The following USP29 variants were observed in gnomAD, a reference collection of about 807,000 sequenced individuals.
The protein encoded by USP29 is ubiquitin carboxyl-terminal hydrolase 29.
For synonymous variants in USP29, 386 were observed against 387.4 expected (o/e 1.00, Z 0.04); for missense variants, 1,102 against 1,069.0 (o/e 1.03, Z -0.43).
At position 57,128,967 on chromosome 19, in the gene USP29, TTCCTGGACA is replaced by T; in HGVS notation, c.294_302del (p.Phe98_Ile101delinsLeu). The T allele has an allele frequency of 6.8e-6, 11 of 1,614,124 alleles. No homozygotes were observed. The highest frequency in any genetic ancestry group is 9.3e-6 in the Non-Finnish European group (11 of 1,180,022). On this transcript the variant is annotated inframe_deletion, in exon 4 of 4. Coordinates refer to ENST00000254181, the MANE Select transcript of USP29 (RefSeq NM_020903.3). ...CAGAGATGCTAAACAGTTGAATATGTTCCTGGACATAATCCACCAAAACAAATCTCAGCA... is the reference window on the plus strand; with the variant it reads ...CAGAGATGCTAAACAGTTGAATATGTTAATCCACCAAAACAAATCTCAGCA...
In USP29 at chr19:57,131,405, G is replaced by C. The variant is rs992673359; in HGVS notation, c.2730G>C (p.Gln910His). The C allele has an allele frequency of 6.2e-7, 1 of 1,613,768 alleles. No homozygotes were observed. Among genetic ancestry groups the C allele is most frequent in the Non-Finnish European group, 8.5e-7 (1 of 1,179,950 alleles). The change falls in exon 4 of 4, where the codon CAG (glutamine) becomes CAC (histidine). Residue 910 changes from glutamine (Q) to histidine (H), a missense_variant. Physicochemically the swap from Gln to His is conservative, Grantham distance 24. Coordinates refer to ENST00000254181, the MANE Select transcript of USP29 (RefSeq NM_020903.3). ...LPSTQAGVIP[Q>H]GEYEGDSLYR... is the part of the protein sequence containing the mutation. Reference sequence around the variant, plus strand: ...GCACACAGGCAGGGGTGATCCCTCAGGGGGAATACGAAGGTGACTCTTTGT... The same window carrying C: ...GCACACAGGCAGGGGTGATCCCTCACGGGGAATACGAAGGTGACTCTTTGT...
In USP29 at chr19:57,131,366, C is replaced by A. The variant is rs755775107; in HGVS notation, c.2691C>A (p.Asn897Lys). Residue 897 changes from asparagine to lysine, a missense_variant, in exon 4 of 4, where the codon AAC becomes AAA. By Grantham distance (94) the Asn-to-Lys change is moderately conservative (BLOSUM62 0). Transcript: ENST00000254181. ...IFEELLRKAE[N>K]SRLPSTQAGV... ...AGGAGCTGTTAAGAAAAGCAGAGAACTCTCGGCTACCTAGCACACAGGCAG... is the reference window on the plus strand; with the variant it reads ...AGGAGCTGTTAAGAAAAGCAGAGAAATCTCGGCTACCTAGCACACAGGCAG... 1 of 1,614,162 alleles carries A rather than the reference C, an allele frequency of 6.2e-7. No homozygotes were observed.
intron 3 of USP29, among the ~76,000 whole-genome samples, chr19:57,126,957 T>TTGTTGA (rs1212752209): frequency 3.9e-5 from 6 of 152,186 alleles, no homozygotes; most frequent in Admixed American, 6.5e-5. Flanking sequence ...GGGGTCTTTT[T>TTGTTGA]TGTTGATGTT....
At chr19:57,127,975 G>C (rs1004338343) in intron 3 of USP29, among the ~76,000 whole-genome samples, 2 of 152,200 alleles carry the variant, frequency 1.3e-5, no homozygotes, top group African/African-American at 4.8e-5. Context: ...CGTAGTAACC[G>C]GGCGAGTAGC....
chr19:57,121,776 C>T (rs2146949344), intron 1 of USP29, among the ~76,000 whole-genome samples: 1 of 149,316 alleles, frequency 6.7e-6, no homozygotes, highest in East Asian at 2.0e-4. Context: ...ACAAAGAAAA[C>T]AGGTAAACAT....
In USP29 at chr19:57,130,352, AT is replaced by A; in HGVS notation, c.1678del (p.Cys560ValfsTer10). ...PLSSSAPVGK[C>X]EVLEVSQEMI... Reference sequence around the variant, plus strand: ...TGAGCAGTAGTGCACCTGTTGGGAAATGTGAAGTCCTGGAAGTCTCTCAGGA... The same window carrying A: ...TGAGCAGTAGTGCACCTGTTGGGAAAGTGAAGTCCTGGAAGTCTCTCAGGA... On this transcript the variant is annotated frameshift_variant, in exon 4 of 4. Coordinates refer to ENST00000254181, the MANE Select transcript of USP29 (RefSeq NM_020903.3). LOFTEE classifies it low-confidence loss of function (END_TRUNC). The A allele has an allele frequency of 6.2e-7, 1 of 1,614,172 alleles. No individual in the cohort carries two copies.
Position 57,129,083 on chromosome 19 carries a change from C to T in USP29, c.408C>T (p.Ser136=). The change falls in exon 4 of 4, where the codon AGC becomes AGT. Residue 136 remains serine, a synonymous_variant. Coordinates refer to ENST00000254181, the MANE Select transcript of USP29 (RefSeq NM_020903.3). ...AAATTGACAAAACTTCATTTTACAGCATTTGTAACAAGCCAAGTTATCAGA... is the reference window on the plus strand; with the variant it reads ...AAATTGACAAAACTTCATTTTACAGTATTTGTAACAAGCCAAGTTATCAGA... ...LKEIDKTSFY[S]ICNKPSYQKM... 5.0e-6 allele frequency: 8 copies of T among 1,612,282 alleles called. No individual in the cohort carries two copies. Among genetic ancestry groups the T allele is most frequent in the Non-Finnish European group, 5.9e-6 (7 of 1,178,982 alleles).
At chr19:57,128,573 T>C (rs2086835430) in intron 3 of USP29, 87 bp from the exon 4 acceptor site, 1 of 1,297,048 alleles carries the variant, frequency 7.7e-7, no homozygotes, top group African/African-American at 1.5e-5. Context: ...TAAAAATAAA[T>C]CATTATTATA....
In USP29 at chr19:57,129,041, C is replaced by G. The variant is rs1227036866; in HGVS notation, c.366C>G (p.Ser122Arg). Reference sequence around the variant, plus strand: ...ATGATGATTGGAGTGTGTTTGAAAGCAGGAATATGCTGAAGGAAATTGACA... The same window carrying G: ...ATGATGATTGGAGTGTGTTTGAAAGGAGGAATATGCTGAAGGAAATTGACA... ...KSDDDWSVFE[S>R]RNMLKEIDKT... is the part of the protein sequence containing the mutation. The change falls in exon 4 of 4, where the codon AGC (serine) becomes AGG (arginine). Residue 122 changes from serine (S) to arginine (R), a missense_variant. Transcript: ENST00000254181. 6.2e-7 allele frequency: 1 copy of G among 1,613,286 alleles called. No individual in the cohort carries two copies. Among genetic ancestry groups the G allele is most frequent in the African/African-American group, 1.3e-5 (1 of 75,002 alleles).
In USP29 at chr19:57,129,253, AGAAATATAAGACAGATTCCTT is replaced by A. The variant is rs745777588; in HGVS notation, c.587_607del (p.Lys196_Tyr202del). ...AAGGAAGATAACCCTGTACCAAACA[AGAAATATAAGACAGATTCCTT>A]GAAATATATACAAAGCAATAGGAAG... is the stretch of plus-strand genomic sequence containing the variant. On this transcript the variant is annotated inframe_deletion, in exon 4 of 4. Coordinates refer to ENST00000254181, the MANE Select transcript of USP29 (RefSeq NM_020903.3). 1 of 1,613,046 alleles carries A rather than the reference AGAAATATAAGACAGATTCCTT, an allele frequency of 6.2e-7. No homozygotes were observed. The highest frequency in any genetic ancestry group is 8.5e-7 in the Non-Finnish European group (1 of 1,179,784).
intron 3 of USP29, 157 bp from the exon 4 acceptor site, chr19:57,128,503 T>G: frequency 1.4e-6 from 1 of 712,012 alleles, no homozygotes; most frequent in Non-Finnish European, 2.1e-6. Flanking sequence ...TCTGGAGAAC[T>G]GGCACAGCTT....
At chr19:57,125,863 G>A (rs903080188) in intron 3 of USP29, among the ~76,000 whole-genome samples, 4 of 152,184 alleles carry the variant, frequency 2.6e-5, no homozygotes, top group East Asian at 2.0e-4. Flanking sequence ...TGTGTCATTG[G>A]TCTTTATATT....
intron 3 of USP29, among the ~76,000 whole-genome samples, chr19:57,128,227 C>T (rs2086833785): frequency 6.6e-6 from 1 of 152,128 alleles, no homozygotes; most frequent in Admixed American, 6.5e-5. Flanking sequence ...CTTGGCCCCG[C>T]CCCTTTTTTA....
rs765577183 is a variant in USP29 at position 57,129,251 on chromosome 19, C to T, written c.576C>T (p.Asn192=). 3.1e-6 allele frequency: 5 copies of T among 1,612,854 alleles called. No individual in the cohort carries two copies. The highest frequency in any genetic ancestry group is 4.2e-6 in the Non-Finnish European group (5 of 1,179,738). ...TGAAGGAAGATAACCCTGTACCAAA[C>T]AAGAAATATAAGACAGATTCCTTGA... ...DILKEDNPVP[N]KKYKTDSLKY... Residue 192 remains asparagine, a synonymous_variant, in exon 4 of 4, where the codon AAC becomes AAT. Transcript: ENST00000254181.
rs1045280692 is a variant in USP29 at position 57,131,188 on chromosome 19, C to G, written c.2513C>G (p.Ser838Ter). 3 of 1,614,120 alleles carry G rather than the reference C, an allele frequency of 1.9e-6. No homozygotes were observed. The change falls in exon 4 of 4, where the codon TCA becomes TGA. Residue 838 changes from serine to a stop codon, truncating the protein, a stop_gained. Coordinates refer to ENST00000254181, the MANE Select transcript of USP29 (RefSeq NM_020903.3). LOFTEE classifies it low-confidence loss of function (END_TRUNC). ...AGCCATATCGGGAGCTCCCCAAATT[C>G]AGGCCATTACATCAGCGATGTGTAT... is the stretch of plus-strand genomic sequence containing the variant. Reference protein sequence around the residue: ...VVSHIGSSPNSGHYISDVYDF... With the variant: ...VVSHIGSSPN
At chr19:57,122,805 T>C (rs535360018) in intron 2 of USP29, among the ~76,000 whole-genome samples, 2 of 152,252 alleles carry the variant, frequency 1.3e-5, no homozygotes, top group South Asian at 4.1e-4. Context: ...TCTTTTGAAC[T>C]CAGCTCAGGG....
rs1568457007 is a variant in USP29, at chr19:57,131,435, A to C, written c.2760A>C (p.Arg920Ser). 6.2e-7 allele frequency: 1 copy of C among 1,603,766 alleles called. No individual in the cohort carries two copies. The highest frequency in any genetic ancestry group is 8.5e-7 in the Non-Finnish European group (1 of 1,175,536). Residue 920 changes from arginine to serine, a missense_variant, in exon 4 of 4, where the codon AGA (arginine) becomes AGC (serine). Arg to Ser is a moderately radical substitution (Grantham distance 110, BLOSUM62 -1). Coordinates refer to ENST00000254181, the MANE Select transcript of USP29 (RefSeq NM_020903.3). Reference sequence around the variant, plus strand: ...AATACGAAGGTGACTCTTTGTACAGACCTGCTTGACAGACTCACTCGGCCT... The same window carrying C: ...AATACGAAGGTGACTCTTTGTACAGCCCTGCTTGACAGACTCACTCGGCCT... ...QGEYEGDSLYRPA is the reference protein window; with the variant it reads ...QGEYEGDSLYSPA
rs754668181 is a variant in USP29, at chr19:57,130,411, C to T, written c.1736C>T (p.Pro579Leu). The change falls in exon 4 of 4, where the codon CCA (proline) becomes CTA (leucine). Residue 579 changes from proline to leucine, a missense_variant. Transcript: ENST00000254181. The stretch of plus-strand genomic sequence containing the variant: ...TCTGAGATCAACAGCCCATTGACAC[C>T]ATCAATGAAGCTGACCTCAGAATCC... ...MISEINSPLT[P>L]SMKLTSESSD... is the part of the protein sequence containing the mutation. The T allele has an allele frequency of 6.2e-7, 1 of 1,614,120 alleles. No homozygotes were observed. Among genetic ancestry groups the T allele is most frequent in the Non-Finnish European group, 8.5e-7 (1 of 1,179,992 alleles).
chr19:57,123,496 G>A (rs538252818), intron 2 of USP29, among the ~76,000 whole-genome samples: 38 of 152,246 alleles, frequency 2.5e-4, no homozygotes, highest in South Asian at 1.7e-3. Flanking sequence ...TCACTTATAC[G>A]AAAGTAAGAC....
Sources: gnomAD v4.1 joint callset for allele counts (sites outside exome capture counted in the v4.1 genomes callset) on GRCh38, gnomAD v4.1.1 for gene constraint, MANE v1.5 for transcripts, NCBI Gene and HGNC (gene_info 2026-07-23, HGNC 2026-07-21) for gene names.